Variants in ZNF609 observed in about 807,000 individuals in gnomAD.
ZNF609 encodes the protein zinc finger protein 609.
ZNF609 carries 11 observed loss-of-function variants against 109.5 expected under a neutral mutation model. The ratio of observed to expected loss-of-function variants is 0.10; its 90% CI spans 0.06 to 0.17. ZNF609 has a LOEUF of 0.17. Among genes scored for constraint, ZNF609 ranks in the 10% least tolerant of loss-of-function variants. The pLI, the probability that ZNF609 is intolerant of heterozygous loss-of-function variation, is 1.00. For synonymous variants in ZNF609, 646 were observed against 662.0 expected, an observed-to-expected ratio of 0.98 and a Z score of 0.37; for missense variants, 1,559 against 1,772.4, an observed-to-expected ratio of 0.88 and a Z score of 2.16.
intron 2 of ZNF609, among the ~76,000 whole-genome samples, chr15:64,548,916 C>T (rs1298811604): frequency 6.6e-6 from 1 of 152,046 alleles, no homozygotes; most frequent in East Asian, 1.9e-4. Flanking sequence ...ATACAGAAAT[C>T]TTTCTTCTGT....
At chr15:64,560,165 C>T (rs1224174350) in intron 2 of ZNF609, among the ~76,000 whole-genome samples, 1 of 152,164 alleles carries the variant, frequency 6.6e-6, no homozygotes, top group African/African-American at 2.4e-5. Flanking sequence ...CCTGCCTCAG[C>T]CTCCCGAGTA....
rs572983326 is a variant in ZNF609 at position 64,475,490 on chromosome 15, G to A, written c.-128+14652G>A. ...TGCAACCTCCACCTCCCAGGTTCAA[G>A]CGATTCTCCTGCCTCAGCCTCCCGA... On this transcript the variant is annotated intron_variant, in intron 1 of 9. Coordinates refer to ENST00000326648, the MANE Select transcript of ZNF609 (RefSeq NM_015042.2). Among the ~76,000 whole-genome samples, 5 of 142,440 alleles carry A rather than the reference G, an allele frequency of 3.5e-5. No homozygotes were observed. The East Asian group carries it at 9.0e-4, about 26-fold the overall frequency. 93.4% of individuals were successfully genotyped at this position (142,440 alleles called of 152,430 possible).
At chr15:64,521,780 A>G (rs1260797821) in intron 2 of ZNF609, among the ~76,000 whole-genome samples, 1 of 152,136 alleles carries the variant, frequency 6.6e-6, no homozygotes, top group Admixed American at 6.5e-5. Context: ...TTGGCAGCAG[A>G]GTGAGCCTTC....
Position 64,610,618 on chromosome 15 carries a change from G to A in ZNF609, c.748-12209G>A, listed in dbSNP as rs138444997. ...AGCAATGATTGCGCCACTGTAGTCCGGCCTGGGTGAAAGAGCAAGACCCTG... is the reference window on the plus strand; with the variant it reads ...AGCAATGATTGCGCCACTGTAGTCCAGCCTGGGTGAAAGAGCAAGACCCTG... On this transcript the variant is annotated intron_variant, in intron 2 of 9. Transcript: ENST00000326648. 8.5e-3 allele frequency among the ~76,000 whole-genome samples: 1,299 copies of A among 152,112 alleles called. 19 individuals are homozygous for A. Among genetic ancestry groups the A allele is most frequent in the Middle Eastern group, 0.027 (8 of 294 alleles).
At position 64,681,372 on chromosome 15, in the gene ZNF609, C is replaced by G; in HGVS notation, c.4226C>G (p.Pro1409Arg). Reference protein sequence around the residue: ...QGSTPSLYPPPRR With the variant: ...QGSTPSLYPPRRR ...TCAACTCCCTCACTCTACCCACCCC[C>G]CAGGAGGTGAGAATGGTAAGTCACT... Residue 1409 changes from proline to arginine, a missense_variant, in exon 9 of 10, where the codon CCC becomes CGC. Pro to Arg is a moderately radical substitution (Grantham distance 103). Transcript: ENST00000326648. 6.2e-7 allele frequency: 1 copy of G among 1,614,010 alleles called. No individual in the cohort carries two copies. Among genetic ancestry groups the G allele is most frequent in the Non-Finnish European group, 8.5e-7 (1 of 1,179,922 alleles).
intron 1 of ZNF609, among the ~76,000 whole-genome samples, chr15:64,497,774 G>T (rs751818805): frequency 6.6e-6 from 1 of 151,660 alleles, no homozygotes; most frequent in Non-Finnish European, 1.5e-5. Flanking sequence ...TGTGGTGCAC[G>T]CCTGTAATCC....
chr15:64,609,089 TTTC>T (rs1442158774), intron 2 of ZNF609, among the ~76,000 whole-genome samples: 2 of 33,392 alleles, frequency 6.0e-5, no homozygotes, highest in Non-Finnish European at 1.9e-4. Context: ...TCTTTCTTTC[TTTC>T]TTTCTTTCTT....
chr15:64,639,791 A>C (rs1466024576), intron 3 of ZNF609, among the ~76,000 whole-genome samples: 2 of 152,186 alleles, frequency 1.3e-5, no homozygotes, highest in African/African-American at 4.8e-5. Context: ...TATTGTCACA[A>C]GTTGGAGAGA....
At chr15:64,503,977 T>C (rs1282480632) in intron 2 of ZNF609, among the ~76,000 whole-genome samples, 1 of 152,228 alleles carries the variant, frequency 6.6e-6, no homozygotes, top group Admixed American at 6.5e-5. Context: ...TCTTGTATTG[T>C]AGTCCCTCAT....
At chr15:64,618,972 C>A (rs1895840674) in intron 2 of ZNF609, among the ~76,000 whole-genome samples, 1 of 152,166 alleles carries the variant, frequency 6.6e-6, no homozygotes, top group Admixed American at 6.5e-5. Flanking sequence ...TCCGTGGACA[C>A]AGGCCCCTGA....
intron 1 of ZNF609, among the ~76,000 whole-genome samples, chr15:64,466,315 G>T (rs1893014632): frequency 6.6e-6 from 1 of 152,048 alleles, no homozygotes; most frequent in African/African-American, 2.4e-5. Context: ...AAGTAACTTT[G>T]TGTTTATTTT....
intron 5 of ZNF609, 72 bp downstream of exon 5, chr15:64,676,328 T>C: frequency 1.4e-6 from 2 of 1,425,226 alleles, no homozygotes; most frequent in Non-Finnish European, 1.9e-6. Context: ...ATAAGGGCTG[T>C]CCTTATACAG....
intron 3 of ZNF609, among the ~76,000 whole-genome samples, chr15:64,659,152 C>T (rs1896537255): frequency 6.6e-6 from 1 of 152,156 alleles, no homozygotes; most frequent in Non-Finnish European, 1.5e-5. Context: ...CTGAGATCCT[C>T]ATTACCCATT....
intron 3 of ZNF609, among the ~76,000 whole-genome samples, chr15:64,628,839 GGTCTCGAACTCCT>G (rs1219293071): frequency 1.3e-5 from 2 of 151,962 alleles, no homozygotes; most frequent in African/African-American, 4.8e-5. Context: ...CGGTCAGGCT[GGTCTCGAACTCCT>G]GACCTCAGGT....
intron 3 of ZNF609, among the ~76,000 whole-genome samples, chr15:64,664,741 A>G (rs1055363500): frequency 1.3e-5 from 2 of 152,164 alleles, no homozygotes; most frequent in Non-Finnish European, 2.9e-5. Flanking sequence ...TTTCCATATC[A>G]TAATTTTTTC....
At chr15:64,559,020 GTC>G (rs889367698) in intron 2 of ZNF609, among the ~76,000 whole-genome samples, 5 of 151,978 alleles carry the variant, frequency 3.3e-5, no homozygotes, top group Admixed American at 2.0e-4. Context: ...ACTTTTTAGT[GTC>G]TGAGAGATAT....
At chr15:64,671,999 G>T (rs1272781729) in intron 4 of ZNF609, among the ~76,000 whole-genome samples, 3 of 145,824 alleles carry the variant, frequency 2.1e-5, no homozygotes, top group African/African-American at 5.2e-5. Context: ...GTTTCTAGAG[G>T]CTTAGACTTT....
intron 2 of ZNF609, among the ~76,000 whole-genome samples, chr15:64,606,476 C>T (rs1895603218): frequency 6.7e-6 from 1 of 148,454 alleles, no homozygotes; most frequent in South Asian, 2.2e-4. Flanking sequence ...ACAAGAATCG[C>T]TTGAACCGGG....
chr15:64,608,724 C>CATGTGT (rs1555422586), intron 2 of ZNF609, among the ~76,000 whole-genome samples: 1 of 148,356 alleles, frequency 6.7e-6, no homozygotes, highest in East Asian at 2.0e-4. Context: ...TGCATGCATG[C>CATGTGT]GTGTGTGTGT....
Sources: gnomAD v4.1 joint callset for allele counts (sites outside exome capture counted in the v4.1 genomes callset) on GRCh38, gnomAD v4.1.1 for gene constraint, MANE v1.5 for transcripts, NCBI Gene and HGNC (gene_info 2026-07-23, HGNC 2026-07-21) for gene names.